CCNL2: variants seen among roughly 807,000 people sequenced by gnomAD.
The protein encoded by CCNL2 is cyclin L2, also known as cyclin-L2.
Under a neutral mutation model 59.1 loss-of-function variants are expected in CCNL2, and 28 were observed. That is an observed-to-expected ratio of 0.47 (90% CI 0.35 to 0.65). The LOEUF (loss-of-function observed/expected upper bound fraction) is 0.65. Among genes scored for constraint, CCNL2 ranks in the 30% least tolerant of loss-of-function variants. The pLI is 0.00. For synonymous variants in CCNL2, 342 were observed against 288.6 expected, an observed-to-expected ratio of 1.19 and a Z score of -1.88; for missense variants, 714 against 717.4, an observed-to-expected ratio of 1.00 and a Z score of 0.05.
chr1:1,387,584 T>C lies in CCNL2; in HGVS notation c.1212-2A>G. ...GATGTGGAGCCGCTGTCACTTTTCC[T>C]GGGAGGAAGAACAGCACCACCACAC... On this transcript the variant is annotated splice_acceptor_variant, in intron 10 of 10. Transcript: ENST00000400809. LOFTEE classifies it high-confidence loss of function. 1 of 1,481,964 alleles carries C rather than the reference T, an allele frequency of 6.7e-7. No individual in the cohort carries two copies. The highest frequency in any genetic ancestry group is 9.0e-7 in the Non-Finnish European group (1 of 1,114,926). The allele number at this position is 1,481,964 out of a possible 1,614,324, so 91.8% of individuals were successfully genotyped here.
At chr1:1,393,374 A>G (rs1268252812) in intron 5 of CCNL2, 22 bp downstream of exon 5, 1 of 1,610,024 alleles carries the variant, frequency 6.2e-7, no homozygotes, top group African/African-American at 1.3e-5. Context: ...CTGGTCTCAT[A>G]AAACAAGGAA....
intron 5 of CCNL2, chr1:1,391,075 G>A (rs1644738445): frequency 4.7e-6 from 5 of 1,057,938 alleles, no homozygotes; most frequent in African/African-American, 1.6e-5. Flanking sequence ...AGGACAGAAA[G>A]GCACAGAAAT....
Position 1,387,391 on chromosome 1 carries a change from C to A in CCNL2, c.1403G>T (p.Arg468Leu). ...CCGCTCCCGTGACCTGCTTCGAGAA[C>A]GGGAAGAACTCCGGCTCCGAGACTT... is the stretch of plus-strand genomic sequence containing the variant. ...PHKSRSRSSSRSRSRSRERAD... is the reference protein window; with the variant it reads ...PHKSRSRSSSLSRSRSRERAD... Residue 468 changes from arginine (R) to leucine (L), a missense_variant, in exon 11 of 11, where the codon CGT (arginine) becomes CTT (leucine). Transcript: ENST00000400809. The A allele has an allele frequency of 6.2e-7, 1 of 1,614,166 alleles. No homozygotes were observed.
intron 8 of CCNL2, chr1:1,388,577 CT>C (rs1557710926): frequency 4.6e-6 from 2 of 435,652 alleles, no homozygotes; most frequent in African/African-American, 2.1e-5. Context: ...CTCTCTCTCT[CT>C]CTCTCTATAT....
At chr1:1,394,586 C>T (rs1373195702) in intron 4 of CCNL2, among the ~76,000 whole-genome samples, 1 of 151,780 alleles carries the variant, frequency 6.6e-6, no homozygotes, top group Non-Finnish European at 1.5e-5. Flanking sequence ...CCCATCTCTA[C>T]TAAAGATACA....
rs1644435244 is a variant in CCNL2 at position 1,385,737 on chromosome 1, A to G, written c.*1494T>C. On this transcript the variant is annotated 3_prime_UTR_variant, in exon 11 of 11. Coordinates refer to ENST00000400809, the MANE Select transcript of CCNL2 (RefSeq NM_030937.6). The stretch of plus-strand genomic sequence containing the variant: ...GGCCTTAAATGGTTCTTTATGTCAT[A>G]ATAATATTTTACAATTATTTAGTAA... 1 of 152,248 alleles carries G rather than the reference A, an allele frequency of 6.6e-6. No homozygotes were observed. Among genetic ancestry groups the G allele is most frequent in the African/African-American group, 2.4e-5 (1 of 41,452 alleles). 9.4% of individuals were successfully genotyped at this position (152,248 alleles called of 1,614,324 possible).
rs917515946 is a variant in CCNL2 at position 1,392,316 on chromosome 1, T to G, written c.659+1080A>C. The G allele has an allele frequency of 4.6e-5, 45 of 985,558 alleles. No individual in the cohort carries two copies. In the African/African-American group the frequency reaches 7.3e-4, roughly 16 times the overall value. 61.1% of individuals were successfully genotyped at this position (985,558 alleles called of 1,614,324 possible). ...TATAAACTTATTGCTGTATTTGAAG[T>G]GATACAATATTTTTCAAAGTATCCA... On this transcript the variant is annotated intron_variant, in intron 5 of 10. Transcript: ENST00000400809.
At chr1:1,391,091 GA>G (rs879413706) in intron 5 of CCNL2, 29,076 of 863,182 alleles carry the variant, frequency 0.034, 1 homozygote, top group East Asian at 0.051. Flanking sequence ...GAAATTATTA[GA>G]AAAAAAAAAA....
chr1:1,387,614 G>A (rs1210987469), intron 10 of CCNL2, 32 bp from the exon 11 acceptor site: 1 of 1,460,334 alleles, frequency 6.8e-7, no homozygotes, highest in Non-Finnish European at 9.1e-7. Flanking sequence ...CCACACGTGT[G>A]ACCATCTGGC....
rs758101306 is a variant in CCNL2 at position 1,390,788 on chromosome 1, T to C, written c.737A>G (p.Tyr246Cys). 1.2e-6 allele frequency: 2 copies of C among 1,614,080 alleles called. No individual in the cohort carries two copies. The highest frequency in any genetic ancestry group is 1.7e-6 in the Non-Finnish European group (2 of 1,180,012). Residue 246 changes from tyrosine (Y) to cysteine (C), a missense_variant, in exon 6 of 11, where the codon TAT becomes TGT. Physicochemically the swap from Tyr to Cys is radical, Grantham distance 194. This residue lies in a region of CCNL2 where 403 missense variants were observed against 377.7 expected (regional missense o/e 1.07). Coordinates refer to ENST00000400809, the MANE Select transcript of CCNL2 (RefSeq NM_030937.6). ...QPESIACACI[Y>C]LAARTLEIPL... ...GACCTCCAGCGTCCGGGCAGCAAGA[T>C]AAATGCAGGCACAGGCGATGCTCTC...
chr1:1,392,453 CA>C (rs1203177913), intron 5 of CCNL2: 2 of 1,206,738 alleles, frequency 1.7e-6, no homozygotes, highest in Non-Finnish European at 2.1e-6. Context: ...CTGACACAGC[CA>C]ATTTGTCTCT....
chr1:1,389,717 T>C (rs1018888662), intron 8 of CCNL2, among the ~76,000 whole-genome samples: 6 of 152,092 alleles, frequency 3.9e-5, no homozygotes, highest in African/African-American at 1.4e-4. Context: ...CCCAGCACTT[T>C]GGGAGGCTGA....
At chr1:1,398,760 G>A in intron 1 of CCNL2, 89 bp from the exon 2 acceptor site, 8 of 1,317,930 alleles carry the variant, frequency 6.1e-6, no homozygotes, top group Non-Finnish European at 8.7e-6. Context: ...GACTCCCCAC[G>A]CAGAACCAAA....
At chr1:1,396,569 CTGTT>C (rs1354140404) in intron 3 of CCNL2, among the ~76,000 whole-genome samples, 21 of 114,298 alleles carry the variant, frequency 1.8e-4, no homozygotes, top group South Asian at 6.1e-4. Context: ...CTCGGCAAGG[CTGTT>C]TTTTTTTTTT....
chr1:1,391,770 T>G, intron 5 of CCNL2: 1 of 342,840 alleles, frequency 2.9e-6, no homozygotes, highest in Non-Finnish European at 5.7e-6. Context: ...GAGCATTTCC[T>G]TTAGATCTCT....
chr1:1,396,341 A>G (rs1645019850), intron 3 of CCNL2, among the ~76,000 whole-genome samples: 1 of 150,900 alleles, frequency 6.6e-6, no homozygotes, highest in South Asian at 2.1e-4. Context: ...CTCTTGGCTC[A>G]CTATAACCTC....
intron 3 of CCNL2, among the ~76,000 whole-genome samples, chr1:1,395,802 G>A (rs1644986802): frequency 6.6e-6 from 1 of 152,182 alleles, no homozygotes; most frequent in Admixed American, 6.5e-5. Flanking sequence ...TGGCACAAAT[G>A]CTAAAGCACT....
Position 1,390,547 on chromosome 1 carries a change from C to T in CCNL2, c.776G>A (p.Arg259His), listed in dbSNP as rs756170860. 10 of 1,612,884 alleles carry T rather than the reference C, an allele frequency of 6.2e-6. No individual in the cohort carries two copies. In the East Asian group the frequency reaches 1.6e-4, roughly 25 times the overall value. ...ARTLEIPLPN[R>H]PHWFLLFGAT... The stretch of plus-strand genomic sequence containing the variant: ...TCCAAACAAAAGAAACCAATGGGGA[C>T]GATTGGGCAAAGGGATCTGTAAAAA... Residue 259 changes from arginine (R) to histidine (H), a missense_variant, in exon 7 of 11, where the codon CGT becomes CAT. By Grantham distance (29) the Arg-to-His change is conservative. Around this residue, in one of 5 missense-constraint regions of CCNL2, gnomAD observed 403 missense variants for 377.7 expected, o/e 1.07. Transcript: ENST00000400809.
chr1:1,399,046 C>G lies in CCNL2; in HGVS notation c.261G>C (p.Ala87=), dbSNP rs1236987116. Residue 87 remains alanine, a synonymous_variant, in exon 1 of 11, where the codon GCG becomes GCC. Transcript: ENST00000400809. Reference sequence around the variant, plus strand: ...GCGGCAGGCGGAGCAGGATACCGGCCGCCTGGATGAGCTCGCAGCCCACCA... The same window carrying G: ...GCGGCAGGCGGAGCAGGATACCGGCGGCCTGGATGAGCTCGCAGCCCACCA... ...LRVVGCELIQ[A]AGILLRLPQV... is the part of the protein sequence containing the mutation. The G allele has an allele frequency of 6.2e-7, 1 of 1,600,712 alleles. No individual in the cohort carries two copies. The highest frequency in any genetic ancestry group is 1.1e-5 in the South Asian group (1 of 89,564).
Sources: gnomAD v4.1 joint callset for allele counts (sites outside exome capture counted in the v4.1 genomes callset) on GRCh38, gnomAD v4.1.1 for gene constraint, gnomAD v4.1.1 regional missense constraint, MANE v1.5 for transcripts, NCBI Gene and HGNC (gene_info 2026-07-23, HGNC 2026-07-21) for gene names.